DNAH8: variants seen among roughly 807,000 people sequenced by gnomAD.
DNAH8 encodes the protein axonemal beta dynein heavy chain 8.
A neutral mutation model predicts 562.1 loss-of-function variants in DNAH8; 382 were observed. That is an observed-to-expected ratio of 0.68 (90% CI 0.63 to 0.74). The LOEUF is 0.74. Ranked by LOEUF, DNAH8 falls within the 30% of genes least tolerant of loss-of-function variation. The probability of loss-of-function intolerance (pLI) is 0.00; values close to 1 mark genes in which losing one functional copy is unlikely to be tolerated. For missense variants in DNAH8, 5,203 were observed against 5,620.4 expected, an observed-to-expected ratio of 0.93 and a Z score of 2.37; for synonymous variants, 1,881 against 1,919.4, an observed-to-expected ratio of 0.98 and a Z score of 0.52.
At chr6:38,806,450 G>A (rs762428116) in intron 23 of DNAH8, among the ~76,000 whole-genome samples, 1 of 152,134 alleles carries the variant, frequency 6.6e-6, no homozygotes, top group Non-Finnish European at 1.5e-5. Flanking sequence ...CAACCAGCAG[G>A]TGTCAGCTGG....
At chr6:38,943,299 A>C (rs377325457) in intron 79 of DNAH8, among the ~76,000 whole-genome samples, 2 of 152,338 alleles carry the variant, frequency 1.3e-5, no homozygotes, top group South Asian at 2.1e-4. Flanking sequence ...ACTGGCTTAC[A>C]TTTTGACTGA....
intron 22 of DNAH8, among the ~76,000 whole-genome samples, chr6:38,804,894 AGT>A (rs796639456): frequency 5.9e-5 from 6 of 101,098 alleles, no homozygotes; most frequent in Admixed American, 1.5e-4. Flanking sequence ...GTTGTCACAC[AGT>A]GTGTGTGTGT....
rs12528676 is a variant in DNAH8 at position 38,789,735 on chromosome 6, A to G, written c.2584-68A>G. The G allele has an allele frequency of 0.14, 168,415 of 1,197,614 alleles. 13,457 individuals are homozygous for G. Among genetic ancestry groups the G allele is most frequent in the Admixed American group, 0.26 (12,553 of 48,474 alleles). The allele number at this position is 1,197,614 out of a possible 1,614,324, so 74.2% of individuals were successfully genotyped here. A position where few individuals can be genotyped will look rare whatever the true frequency, so the allele number is the denominator to read the frequency against. On this transcript the variant is annotated intron_variant, in intron 18 of 92. Coordinates refer to ENST00000327475, the MANE Select transcript of DNAH8 (RefSeq NM_001206927.2). ...ACTGGGATTATGAAACCTTCCTGGA[A>G]TGAATCAAAATGTGACTGCTACTTT...
At chr6:38,841,209 A>G (rs1435988051) in intron 33 of DNAH8, among the ~76,000 whole-genome samples, 1 of 152,158 alleles carries the variant, frequency 6.6e-6, no homozygotes, top group Non-Finnish European at 1.5e-5. Flanking sequence ...ACCTGAGATC[A>G]GGAGTTCAAG....
intron 91 of DNAH8, among the ~76,000 whole-genome samples, chr6:39,012,957 T>A (rs1425613089): frequency 6.6e-6 from 1 of 152,194 alleles, no homozygotes; most frequent in African/African-American, 2.4e-5. Flanking sequence ...TTATAGTTTT[T>A]AAATGTTTGT....
intron 81 of DNAH8, 75 bp from the exon 82 acceptor site, chr6:38,951,243 A>T (rs1322487265): frequency 1.6e-6 from 2 of 1,279,622 alleles, no homozygotes; most frequent in East Asian, 4.7e-5. Flanking sequence ...AATTAAATGT[A>T]TGTTTTTACT....
chr6:38,950,419 C>G, intron 81 of DNAH8, among the ~76,000 whole-genome samples: 1 of 151,358 alleles, frequency 6.6e-6, no homozygotes, highest in East Asian at 1.9e-4. Context: ...ATGTTGACCT[C>G]ATAGTCCGCA....
intron 88 of DNAH8, among the ~76,000 whole-genome samples, chr6:38,998,222 A>G (rs1181055141): frequency 1.3e-5 from 2 of 152,242 alleles, no homozygotes; most frequent in Non-Finnish European, 2.9e-5. Flanking sequence ...AAGAATGCAG[A>G]ATCTCTGAAG....
At position 38,962,134 on chromosome 6, in the gene DNAH8, A is replaced by G. The variant is rs79129150; in HGVS notation, c.12452-9458A>G. The stretch of plus-strand genomic sequence containing the variant: ...AAAACTATAAAACCTTCTTAGAGAC[A>G]TAAAAGTAGTTAGAATAAATGGAGA... On this transcript the variant is annotated intron_variant, in intron 82 of 92. Transcript: ENST00000327475. 0.011 allele frequency among the ~76,000 whole-genome samples: 1,694 copies of G among 152,198 alleles called. 111 individuals carry two copies. In the East Asian group the frequency reaches 0.16, roughly 14 times the overall value.
intron 87 of DNAH8, among the ~76,000 whole-genome samples, chr6:38,986,554 T>A (rs1764411461): frequency 1.3e-5 from 2 of 151,012 alleles, no homozygotes; most frequent in Middle Eastern, 3.4e-3. Flanking sequence ...AACTGACCTC[T>A]GTATTTGAGA....
chr6:38,800,683 A>G (rs1355830075), intron 21 of DNAH8, among the ~76,000 whole-genome samples: 2 of 151,986 alleles, frequency 1.3e-5, no homozygotes. Context: ...TGCCCGGTTA[A>G]TGTTTGTATT....
At chr6:39,007,701 C>T (rs1337840670) in intron 88 of DNAH8, among the ~76,000 whole-genome samples, 1 of 152,144 alleles carries the variant, frequency 6.6e-6, no homozygotes, top group Non-Finnish European at 1.5e-5. Flanking sequence ...TAGCTCCAAG[C>T]TCACTGGCCT....
Position 38,863,944 on chromosome 6 carries a change from G to A in DNAH8, c.6382G>A (p.Ala2128Thr), listed in dbSNP as rs997865092. ...NRIELPVLSV[A>T]AQQIYIVLTA... ...AATTGAATTGCCTGTATTATCAGTG[G>A]CAGCACAACAAATTTATATTGTTTT... Residue 2128 changes from alanine (A) to threonine (T), a missense_variant, in exon 45 of 93, where the codon GCA becomes ACA. This residue lies in a region of DNAH8 where 2,176 missense variants were observed against 2,365.1 expected (regional missense o/e 0.92). Transcript: ENST00000327475. The A allele has an allele frequency of 1.9e-6, 3 of 1,612,896 alleles. No homozygotes were observed. Among genetic ancestry groups the A allele is most frequent in the Non-Finnish European group, 2.5e-6 (3 of 1,179,808 alleles).
rs572077496 is a variant in DNAH8, at chr6:38,757,839, C to T, written c.1515+1760C>T. Among the ~76,000 whole-genome samples the T allele has an allele frequency of 1.5e-3, 226 of 152,164 alleles. 1 individual carries two copies. The highest frequency in any genetic ancestry group is 4.5e-3 in the African/African-American group (188 of 41,524). ...CAAAGATCAGATAGTTGTAGATATG[C>T]GGCATTATTTCTGAGGGCTCTGTTC... is the stretch of plus-strand genomic sequence containing the variant. On this transcript the variant is annotated intron_variant, in intron 10 of 92. Coordinates refer to ENST00000327475, the MANE Select transcript of DNAH8 (RefSeq NM_001206927.2).
chr6:38,853,284 T>C lies in DNAH8; in HGVS notation c.5670T>C (p.Ala1890=). 1 of 1,613,572 alleles carries C rather than the reference T, an allele frequency of 6.2e-7. No homozygotes were observed. The highest frequency in any genetic ancestry group is 1.1e-5 in the South Asian group (1 of 90,960). Residue 1890 remains alanine, a synonymous_variant, in exon 41 of 93, where the codon GCT becomes GCC. Coordinates refer to ENST00000327475, the MANE Select transcript of DNAH8 (RefSeq NM_001206927.2). ...MSSLHNIIRS[A]FYQISDSGFQ... ...CATTACATAATATAATTAGATCCGC[T>C]TTCTATCAAATCAGTGATTCAGGAT... is the stretch of plus-strand genomic sequence containing the variant.
At chr6:38,794,787 G>C (rs1583024084) in intron 21 of DNAH8, among the ~76,000 whole-genome samples, 2 of 152,076 alleles carry the variant, frequency 1.3e-5, no homozygotes, top group African/African-American at 4.8e-5. Context: ...TACGGATTTA[G>C]TACAGTTTAT....
intron 43 of DNAH8, among the ~76,000 whole-genome samples, chr6:38,861,424 G>A (rs550096647): frequency 6.6e-6 from 1 of 152,304 alleles, no homozygotes; most frequent in South Asian, 2.1e-4. Context: ...ACAGAAGCTG[G>A]ATCATGGATA....
chr6:39,002,616 A>C (rs1389073202), intron 88 of DNAH8, among the ~76,000 whole-genome samples: 1 of 152,196 alleles, frequency 6.6e-6, no homozygotes, highest in African/African-American at 2.4e-5. Context: ...TTTTAAGATA[A>C]GTGTCTTTTG....
chr6:38,724,715 G>C (rs540586002), intron 3 of DNAH8, among the ~76,000 whole-genome samples: 14 of 152,082 alleles, frequency 9.2e-5, no homozygotes, highest in Non-Finnish European at 1.9e-4. Context: ...CTTCCCTCGC[G>C]ATAGCTCTGG....
Sources: allele counts gnomAD v4.1 joint callset (sites outside exome capture counted in the v4.1 genomes callset), GRCh38; gene constraint gnomAD v4.1.1; regional missense constraint gnomAD v4.1.1; transcripts MANE v1.5; gene names NCBI Gene and HGNC (gene_info 2026-07-23, HGNC 2026-07-21).